Variants in FRMD4A observed in about 807,000 individuals in gnomAD.
The protein encoded by FRMD4A is FERM domain-containing protein 4A.
A neutral mutation model predicts 129.1 loss-of-function variants in FRMD4A; 29 were observed. That is an observed-to-expected ratio of 0.22 (90% CI 0.17 to 0.31). The LOEUF is 0.31. Ranked by LOEUF, FRMD4A falls within the 10% of genes least tolerant of loss-of-function variation. The pLI is 1.00. For synonymous variants in FRMD4A, 634 were observed against 571.6 expected (o/e 1.11, Z -1.56); for missense variants, 1,272 against 1,375.8 (o/e 0.92, Z 1.19).
intron 8 of FRMD4A, among the ~76,000 whole-genome samples, chr10:13,749,542 T>C (rs989839086): frequency 3.9e-5 from 6 of 152,114 alleles, no homozygotes; most frequent in African/African-American, 9.7e-5. Flanking sequence ...CCAAGGGCAA[T>C]GCAATGATCA....
At position 14,156,732 on chromosome 10, in the gene FRMD4A, G is replaced by C. The variant is rs1018345211; in HGVS notation, c.45+173326C>G. On this transcript the variant is annotated intron_variant, in intron 2 of 24. Coordinates refer to ENST00000357447, the MANE Select transcript of FRMD4A (RefSeq NM_018027.5). ...TTTTGCATAAAACTCAACTCTACTT[G>C]GAAAACACTTTAATGGGAACCTTAG... Among the ~76,000 whole-genome samples, 6 of 152,114 alleles carry C rather than the reference G, an allele frequency of 3.9e-5. 1 individual carries two copies. Among genetic ancestry groups the C allele is most frequent in the African/African-American group, 1.4e-4 (6 of 41,428 alleles).
At chr10:14,250,902 C>T (rs527905459) in intron 2 of FRMD4A, among the ~76,000 whole-genome samples, 2 of 152,220 alleles carry the variant, frequency 1.3e-5, no homozygotes, top group East Asian at 1.9e-4. Flanking sequence ...AAACATAATA[C>T]GAGGCCAATT....
chr10:14,023,960 T>C (rs1047308494), intron 2 of FRMD4A, among the ~76,000 whole-genome samples: 1 of 152,154 alleles, frequency 6.6e-6, no homozygotes, highest in Non-Finnish European at 1.5e-5. Context: ...AATTAGCATT[T>C]TGAGCACCCT....
intron 2 of FRMD4A, among the ~76,000 whole-genome samples, chr10:14,033,259 A>G (rs1833334644): frequency 1.3e-5 from 2 of 151,348 alleles, no homozygotes; most frequent in African/African-American, 4.9e-5. Context: ...GTTAGCCTAG[A>G]TTGTGCCACT....
At chr10:13,974,660 G>A (rs952652447) in intron 2 of FRMD4A, among the ~76,000 whole-genome samples, 1 of 152,128 alleles carries the variant, frequency 6.6e-6, no homozygotes, top group Non-Finnish European at 1.5e-5. Context: ...CCGAGTACCT[G>A]GGATTACAGG....
chr10:13,777,182 T>C (rs528521473), intron 6 of FRMD4A, among the ~76,000 whole-genome samples: 50 of 152,320 alleles, frequency 3.3e-4, no homozygotes, highest in African/African-American at 1.2e-3. Context: ...CCTTTCATGA[T>C]CTTTACACTG....
intron 2 of FRMD4A, among the ~76,000 whole-genome samples, chr10:14,112,424 A>T (rs1035919164): frequency 2.0e-5 from 3 of 152,172 alleles, no homozygotes; most frequent in Non-Finnish European, 4.4e-5. Context: ...TTTTCTTGCA[A>T]TTTATTTCAA....
At chr10:14,029,245 A>G (rs776808387) in intron 2 of FRMD4A, among the ~76,000 whole-genome samples, 19 of 152,212 alleles carry the variant, frequency 1.2e-4, no homozygotes, top group Non-Finnish European at 2.8e-4. Context: ...CAAATAAAAT[A>G]GAAGTCTCGG....
chr10:14,313,268 T>A (rs756739933), intron 2 of FRMD4A, among the ~76,000 whole-genome samples: 1 of 151,660 alleles, frequency 6.6e-6, no homozygotes, highest in Non-Finnish European at 1.5e-5. Context: ...GAGGCTGAGG[T>A]GGGAGGATCA....
intron 2 of FRMD4A, among the ~76,000 whole-genome samples, chr10:14,144,505 T>C (rs1042077178): frequency 5.9e-5 from 9 of 152,188 alleles, no homozygotes; most frequent in African/African-American, 2.2e-4. Flanking sequence ...TTATACAAAC[T>C]GAAAATTGGA....
At chr10:14,220,652 T>C (rs1192541919) in intron 2 of FRMD4A, among the ~76,000 whole-genome samples, 1 of 152,230 alleles carries the variant, frequency 6.6e-6, no homozygotes, top group Non-Finnish European at 1.5e-5. Context: ...TTAAATTCGC[T>C]GACCTCAGTG....
At chr10:14,090,058 A>T (rs1421376683) in intron 2 of FRMD4A, among the ~76,000 whole-genome samples, 2 of 152,250 alleles carry the variant, frequency 1.3e-5, no homozygotes, top group Admixed American at 6.5e-5. Context: ...TGAAATAGTA[A>T]AACTCTGCCG....
intron 6 of FRMD4A, among the ~76,000 whole-genome samples, chr10:13,768,962 G>A (rs1284921819): frequency 6.7e-6 from 1 of 149,378 alleles, no homozygotes; most frequent in Non-Finnish European, 1.5e-5. Flanking sequence ...GTATGTCTTA[G>A]CATTTATAGG....
intron 2 of FRMD4A, among the ~76,000 whole-genome samples, chr10:14,006,254 T>A (rs942040766): frequency 3.9e-5 from 6 of 152,120 alleles, no homozygotes; most frequent in Non-Finnish European, 7.4e-5. Flanking sequence ...GTTCCAAGGA[T>A]GTGCAGCGCG....
chr10:13,902,401 A>G (rs1218119253), intron 2 of FRMD4A, among the ~76,000 whole-genome samples: 1 of 151,002 alleles, frequency 6.6e-6, no homozygotes, highest in Admixed American at 6.6e-5. Flanking sequence ...AGTTGGAGAT[A>G]TCTATACATG....
rs190791897 is a variant in FRMD4A at position 13,664,913 on chromosome 10, G to A, written c.1603+1184C>T. On this transcript the variant is annotated intron_variant, in intron 18 of 24. Coordinates refer to ENST00000357447, the MANE Select transcript of FRMD4A (RefSeq NM_018027.5). ...GTTTGTTTGTTTGAGATAGAGTTTC[G>A]CTCTTGTTGCCCAGGCTGGAGTGCA... is the stretch of plus-strand genomic sequence containing the variant. Among the ~76,000 whole-genome samples the A allele has an allele frequency of 2.8e-3, 429 of 151,886 alleles. 1 individual carries two copies. The highest frequency in any genetic ancestry group is 0.017 in the South Asian group (80 of 4,810).
intron 2 of FRMD4A, among the ~76,000 whole-genome samples, chr10:14,230,339 C>A (rs1358958597): frequency 6.6e-6 from 1 of 152,142 alleles, no homozygotes; most frequent in Admixed American, 6.5e-5. Flanking sequence ...AGGTTCAACT[C>A]CATTAAGTAC....
At chr10:14,118,627 C>T (rs1838324940) in intron 2 of FRMD4A, among the ~76,000 whole-genome samples, 1 of 152,172 alleles carries the variant, frequency 6.6e-6, no homozygotes, top group Non-Finnish European at 1.5e-5. Context: ...ATGGAGGCCT[C>T]ACAATCATGG....
chr10:13,831,653 G>T (rs1588943110), intron 3 of FRMD4A, among the ~76,000 whole-genome samples: 1 of 152,292 alleles, frequency 6.6e-6, no homozygotes, highest in African/African-American at 2.4e-5. Context: ...ATAAGATGGT[G>T]TATGGGACAT....
Sources: gnomAD v4.1 joint callset for allele counts (sites outside exome capture counted in the v4.1 genomes callset) on GRCh38, gnomAD v4.1.1 for gene constraint, MANE v1.5 for transcripts, NCBI Gene and HGNC (gene_info 2026-07-23, HGNC 2026-07-21) for gene names.